PCDH15: variants seen among roughly 807,000 people sequenced by gnomAD.
PCDH15 encodes protocadherin-15.
Under a neutral mutation model 178.5 loss-of-function variants are expected in PCDH15, and 129 were observed. The ratio of observed to expected loss-of-function variants is 0.72; its 90% CI spans 0.63 to 0.84. The LOEUF (loss-of-function observed/expected upper bound fraction) is 0.84, where lower values mean the gene tolerates loss of function less well. Among genes scored for constraint, PCDH15 ranks in the 40% least tolerant of loss-of-function variants. The pLI is 0.00. For missense variants in PCDH15, 2,230 were observed against 2,099.9 expected (o/e 1.06, Z -1.21); for synonymous variants, 800 against 732.0 (o/e 1.09, Z -1.50).
chr10:55,144,307 G>A (rs900892750), intron 2 of PCDH15, among the ~76,000 whole-genome samples: 13 of 151,796 alleles, frequency 8.6e-5, no homozygotes, highest in Admixed American at 4.6e-4. Flanking sequence ...ATTATGTGAA[G>A]GAAAATAATA....
intron 15 of PCDH15, among the ~76,000 whole-genome samples, chr10:54,097,678 GAAGTT>G (rs2094725264): frequency 6.6e-6 from 1 of 152,104 alleles, no homozygotes; most frequent in African/African-American, 2.4e-5. Context: ...GACACCATAA[GAAGTT>G]AATATTTACT....
At chr10:54,368,762 C>T (rs1315490683) in intron 5 of PCDH15, among the ~76,000 whole-genome samples, 1 of 151,786 alleles carries the variant, frequency 6.6e-6, no homozygotes, top group African/African-American at 2.4e-5. Context: ...ATTAGTATGA[C>T]CACCTCAGAA....
At chr10:54,248,289 T>G (rs1396017868) in intron 8 of PCDH15, among the ~76,000 whole-genome samples, 2 of 151,986 alleles carry the variant, frequency 1.3e-5, no homozygotes, top group Non-Finnish European at 2.9e-5. Context: ...ATGAATTAAA[T>G]TATTTAAAAA....
chr10:55,392,434 T>G (rs976865989), intron 2 of PCDH15, among the ~76,000 whole-genome samples: 1 of 152,208 alleles, frequency 6.6e-6, no homozygotes, highest in Admixed American at 6.5e-5. Context: ...TCACACAAAT[T>G]TCCTTAGTTT....
At chr10:53,930,300 TA>T (rs1554865792) in intron 25 of PCDH15, among the ~76,000 whole-genome samples, 2 of 150,246 alleles carry the variant, frequency 1.3e-5, no homozygotes, top group Non-Finnish European at 3.0e-5. Context: ...CTACTACAAA[TA>T]AAAAAAATTA....
At chr10:55,107,325 G>A (rs1837374165) in intron 2 of PCDH15, among the ~76,000 whole-genome samples, 1 of 152,024 alleles carries the variant, frequency 6.6e-6, no homozygotes, top group Non-Finnish European at 1.5e-5. Flanking sequence ...GCCATAAGTT[G>A]GATGAGATAT....
intron 3 of PCDH15, among the ~76,000 whole-genome samples, chr10:54,853,279 A>C (rs1464019673): frequency 1.1e-5 from 1 of 91,280 alleles, no homozygotes. Flanking sequence ...ATATATGTGT[A>C]TGTATGTGTG....
chr10:54,738,766 C>T (rs909466146), intron 1 of PCDH15, among the ~76,000 whole-genome samples: 1 of 151,972 alleles, frequency 6.6e-6, no homozygotes, highest in Non-Finnish European at 1.5e-5. Flanking sequence ...AATCAATAAA[C>T]ATGATACATC....
intron 2 of PCDH15, among the ~76,000 whole-genome samples, chr10:55,003,467 A>G (rs1194240507): frequency 6.6e-6 from 1 of 151,988 alleles, no homozygotes; most frequent in African/African-American, 2.4e-5. Context: ...CAGAGTCTAG[A>G]GAATTTTTTT....
intron 3 of PCDH15, among the ~76,000 whole-genome samples, chr10:54,810,407 A>C (rs1003368743): frequency 2.6e-5 from 4 of 152,150 alleles, no homozygotes; most frequent in African/African-American, 9.6e-5. Flanking sequence ...AGTTCTATTA[A>C]GGAGTGAGTG....
chr10:54,105,253 T>C (rs1375288732), intron 15 of PCDH15, among the ~76,000 whole-genome samples: 1 of 143,994 alleles, frequency 6.9e-6, no homozygotes, highest in Non-Finnish European at 1.5e-5. Flanking sequence ...GAGATATAGA[T>C]ATAGATATAG....
At chr10:54,297,811 G>A (rs977748100) in intron 8 of PCDH15, among the ~76,000 whole-genome samples, 8 of 152,298 alleles carry the variant, frequency 5.3e-5, no homozygotes, top group Admixed American at 5.2e-4. Flanking sequence ...ACAGGGTCTA[G>A]GGCAAGCCTT....
chr10:55,329,778 G>T (rs536527002), intron 2 of PCDH15, among the ~76,000 whole-genome samples: 10 of 151,886 alleles, frequency 6.6e-5, no homozygotes, highest in Non-Finnish European at 1.3e-4. Context: ...ACAGGAAACA[G>T]ATTACTTATA....
At chr10:54,755,920 T>C (rs1221850022) in intron 1 of PCDH15, among the ~76,000 whole-genome samples, 1 of 152,124 alleles carries the variant, frequency 6.6e-6, no homozygotes, top group East Asian at 1.9e-4. Context: ...TCTCTCTCTC[T>C]ATCGTGTAAA....
At position 53,862,593 on chromosome 10, in the gene PCDH15, T is replaced by C. The variant is rs180746938; in HGVS notation, c.3717+4049A>G. ...ATTTTTTTAATATTCTAATTTGTGC[T>C]TCAAAGCTTCAGTATTATCATTAGT... On this transcript the variant is annotated intron_variant, in intron 27 of 37. Coordinates refer to ENST00000644397, the MANE Select transcript of PCDH15 (RefSeq NM_001384140.1). Among the ~76,000 whole-genome samples, 1,047 of 152,304 alleles carry C rather than the reference T, an allele frequency of 6.9e-3. 48 individuals are homozygous for C. Among genetic ancestry groups the C allele is most frequent in the Admixed American group, 0.061 (928 of 15,286 alleles).
chr10:55,529,243 T>C (rs1020550025), intron 2 of PCDH15, among the ~76,000 whole-genome samples: 3 of 152,166 alleles, frequency 2.0e-5, no homozygotes, highest in Non-Finnish European at 2.9e-5. Flanking sequence ...TAGATCCCAC[T>C]TGTCAATTTT....
intron 3 of PCDH15, among the ~76,000 whole-genome samples, chr10:54,419,649 A>G (rs966757765): frequency 2.0e-5 from 3 of 152,120 alleles, no homozygotes; most frequent in Non-Finnish European, 4.4e-5. Flanking sequence ...CTGCTCAAAT[A>G]CAATAGAAGT....
intron 1 of PCDH15, among the ~76,000 whole-genome samples, chr10:54,752,529 CA>C (rs150006610): frequency 0.11 from 5,380 of 50,946 alleles, 1,154 homozygotes; most frequent in Middle Eastern, 0.3. Flanking sequence ...AACAAACAAA[CA>C]AAAAAAAACA....
At chr10:54,960,775 G>A (rs1483253991) in intron 2 of PCDH15, among the ~76,000 whole-genome samples, 1 of 152,024 alleles carries the variant, frequency 6.6e-6, no homozygotes, top group Non-Finnish European at 1.5e-5. Context: ...AATAATTTTA[G>A]TTATCATAAA....
Sources: gnomAD v4.1 joint callset for allele counts (sites outside exome capture counted in the v4.1 genomes callset) on GRCh38, gnomAD v4.1.1 for gene constraint, MANE v1.5 for transcripts, NCBI Gene and HGNC (gene_info 2026-07-23, HGNC 2026-07-21) for gene names.